The following CCSER2 variants were observed in gnomAD, a reference collection of about 807,000 sequenced individuals.
CCSER2 encodes the protein serine-rich coiled-coil domain-containing protein 2.
A neutral mutation model predicts 92.3 loss-of-function variants in CCSER2; 46 were observed. That is an observed-to-expected ratio of 0.50 (90% CI 0.39 to 0.64). CCSER2 has a LOEUF of 0.64. CCSER2 is among the 30% of genes least tolerant of loss of function. The probability of loss-of-function intolerance (pLI) is 0.00; values close to 1 mark genes in which losing one functional copy is unlikely to be tolerated. For synonymous variants in CCSER2, 433 were observed against 431.4 expected (o/e 1.00, Z -0.04); for missense variants, 1,244 against 1,238.9 (o/e 1.00, Z -0.06).
chr10:84,349,092 C>T (rs935779984), intron 1 of CCSER2, among the ~76,000 whole-genome samples: 5 of 151,956 alleles, frequency 3.3e-5, no homozygotes, highest in Non-Finnish European at 7.4e-5. Context: ...TAGTATTTCT[C>T]CTTCCACAGA....
intron 9 of CCSER2, among the ~76,000 whole-genome samples, chr10:84,495,211 C>A (rs191236470): frequency 6.7e-6 from 1 of 148,938 alleles, no homozygotes; most frequent in Non-Finnish European, 1.5e-5. Flanking sequence ...TCCTCTCTGA[C>A]TGACCCATGG....
chr10:84,402,717 C>T (rs1259806190), intron 3 of CCSER2, among the ~76,000 whole-genome samples: 1 of 152,114 alleles, frequency 6.6e-6, no homozygotes, highest in Non-Finnish European at 1.5e-5. Context: ...TGCTTTTCTC[C>T]TAAATTCGAG....
intron 1 of CCSER2, among the ~76,000 whole-genome samples, chr10:84,365,755 G>A (rs966539380): frequency 2.0e-5 from 3 of 152,188 alleles, no homozygotes; most frequent in African/African-American, 4.8e-5. Flanking sequence ...GAGGCATAGA[G>A]AAAGGAAAGA....
At chr10:84,344,197 CT>C (rs1844357199) in intron 1 of CCSER2, among the ~76,000 whole-genome samples, 1 of 152,110 alleles carries the variant, frequency 6.6e-6, no homozygotes, top group Non-Finnish European at 1.5e-5. Context: ...AATAGTAGAT[CT>C]TAGATAGGAT....
intron 9 of CCSER2, among the ~76,000 whole-genome samples, chr10:84,483,222 G>C (rs1423140782): frequency 6.6e-6 from 1 of 151,892 alleles, no homozygotes; most frequent in Non-Finnish European, 1.5e-5. Flanking sequence ...GAGAAACCCC[G>C]TCTCTACTAA....
chr10:84,420,947 A>C (rs1326239321), intron 4 of CCSER2, among the ~76,000 whole-genome samples: 3 of 151,824 alleles, frequency 2.0e-5, no homozygotes, highest in Non-Finnish European at 2.9e-5. Context: ...AAAAAAAAAA[A>C]AAGGTTTAGA....
intron 9 of CCSER2, among the ~76,000 whole-genome samples, chr10:84,512,546 C>T (rs573784109): frequency 1.3e-5 from 2 of 152,276 alleles, no homozygotes; most frequent in South Asian, 4.1e-4. Context: ...TGGATACCCC[C>T]AAATCATGGA....
rs11201040 is a variant in CCSER2, at chr10:84,445,578, G to T, written c.2064+6871G>T. Among the ~76,000 whole-genome samples the T allele has an allele frequency of 3.7e-3, 561 of 152,288 alleles. 25 individuals are homozygous for T. The East Asian group carries it at 0.091, about 25-fold the overall frequency. On this transcript the variant is annotated intron_variant, in intron 6 of 9. Coordinates refer to ENST00000372088, the MANE Select transcript of CCSER2 (RefSeq NM_001284240.2). ...ATTTTCAGAAACTGAAAATACCTGT[G>T]TAGCCAGCATCTAGCAAGAAATGAA...
In CCSER2 at chr10:84,415,295, A is replaced by G. The variant is rs138121261; in HGVS notation, c.1615-2476A>G. 1.6e-3 allele frequency among the ~76,000 whole-genome samples: 246 copies of G among 152,168 alleles called. 2 individuals carry two copies. Among genetic ancestry groups the G allele is most frequent in the African/African-American group, 5.5e-3 (230 of 41,522 alleles). On this transcript the variant is annotated intron_variant, in intron 3 of 9. Coordinates refer to ENST00000372088, the MANE Select transcript of CCSER2 (RefSeq NM_001284240.2). ...ATATTTATGGGCTTATCTACCTTCA[A>G]TCTTTGAGGTTGCTGACCTTTGAAT...
At chr10:84,488,711 T>G (rs192570924) in intron 9 of CCSER2, among the ~76,000 whole-genome samples, 1 of 152,330 alleles carries the variant, frequency 6.6e-6, no homozygotes, top group Admixed American at 6.5e-5. Flanking sequence ...CATTGATTCT[T>G]TTGAAGGATT....
intron 4 of CCSER2, among the ~76,000 whole-genome samples, chr10:84,425,393 G>A (rs1324098741): frequency 1.3e-5 from 2 of 152,166 alleles, no homozygotes; most frequent in African/African-American, 4.8e-5. Context: ...TTGTGACAGT[G>A]ATGAAAACCA....
rs142618276 is a variant in CCSER2, at chr10:84,455,929, G to A, written c.2065-8004G>A. ...TCTTCTATGATTTCTGTTGCATCTT[G>A]TTCTGGATTTCTGTCTCAATTTTGG... On this transcript the variant is annotated intron_variant, in intron 6 of 9. Coordinates refer to ENST00000372088, the MANE Select transcript of CCSER2 (RefSeq NM_001284240.2). The A allele has an allele frequency of 5.0e-4, 341 of 677,916 alleles. 5 individuals carry two copies. The East Asian group carries it at 0.01, about 20-fold the overall frequency. 42.0% of individuals were successfully genotyped at this position (677,916 alleles called of 1,614,324 possible).
intron 1 of CCSER2, among the ~76,000 whole-genome samples, chr10:84,336,765 A>G (rs1001076256): frequency 1.3e-5 from 2 of 152,198 alleles, no homozygotes; most frequent in Non-Finnish European, 2.9e-5. Context: ...TTGACTTGTT[A>G]TAAGTAGAAC....
intron 7 of CCSER2, among the ~76,000 whole-genome samples, chr10:84,464,479 ACT>A (rs1411064120): frequency 1.3e-5 from 2 of 152,020 alleles, no homozygotes; most frequent in South Asian, 4.2e-4. Context: ...GTTGAAGAAA[ACT>A]CTTTTATTTT....
intron 1 of CCSER2, among the ~76,000 whole-genome samples, chr10:84,368,174 A>AT (rs1203593119): frequency 6.6e-6 from 1 of 151,988 alleles, no homozygotes; most frequent in Non-Finnish European, 1.5e-5. Flanking sequence ...GGCAAATCAA[A>AT]TTTTTTCTAT....
rs1172226238 is a variant in CCSER2, at chr10:84,516,669, T to C, written c.*2402T>C. 1 of 152,186 alleles carries C rather than the reference T, an allele frequency of 6.6e-6. No individual in the cohort carries two copies. The highest frequency in any genetic ancestry group is 2.1e-4 in the South Asian group (1 of 4,830). The allele number at this position is 152,186 out of a possible 1,614,324, so 9.4% of individuals were successfully genotyped here. On this transcript the variant is annotated 3_prime_UTR_variant, in exon 10 of 10. Coordinates refer to ENST00000372088, the MANE Select transcript of CCSER2 (RefSeq NM_001284240.2). Reference sequence around the variant, plus strand: ...CTGAGGGAAATGTCTTTATTGTCCATTACATAAAAATGTTGACTCCAGTAA... The same window carrying C: ...CTGAGGGAAATGTCTTTATTGTCCACTACATAAAAATGTTGACTCCAGTAA...
At chr10:84,504,523 A>G (rs1271289022) in intron 9 of CCSER2, among the ~76,000 whole-genome samples, 4 of 152,172 alleles carry the variant, frequency 2.6e-5, no homozygotes, top group African/African-American at 9.7e-5. Context: ...CAGTTTAGTA[A>G]TTCACTGTAC....
At chr10:84,477,255 C>G (rs1847202464) in intron 8 of CCSER2, among the ~76,000 whole-genome samples, 1 of 151,978 alleles carries the variant, frequency 6.6e-6, no homozygotes, top group Admixed American at 6.6e-5. Flanking sequence ...AAATTCTAAC[C>G]TTACAGGCTG....
intron 3 of CCSER2, among the ~76,000 whole-genome samples, chr10:84,386,073 A>T (rs1376713800): frequency 1.3e-5 from 2 of 150,024 alleles, no homozygotes; most frequent in Middle Eastern, 3.5e-3. Context: ...TAAAAAGTTA[A>T]AAAATAACAT....
Sources: gnomAD v4.1 joint callset for allele counts (sites outside exome capture counted in the v4.1 genomes callset) on GRCh38, gnomAD v4.1.1 for gene constraint, MANE v1.5 for transcripts, NCBI Gene and HGNC (gene_info 2026-07-23, HGNC 2026-07-21) for gene names.